AGBL1: variants seen among roughly 807,000 people sequenced by gnomAD.
AGBL1 encodes the protein AGBL carboxypeptidase 1.
AGBL1 carries 130 observed loss-of-function variants against 118.9 expected under a neutral mutation model. That is an observed-to-expected ratio of 1.09 (90% confidence interval 0.95 to 1.26). The LOEUF (loss-of-function observed/expected upper bound fraction) is 1.26, where lower values mean the gene tolerates loss of function less well. AGBL1 is among the 50% of genes most tolerant of loss of function. AGBL1 has a pLI of 0.00. For missense variants in AGBL1, 1,584 were observed against 1,298.1 expected, an observed-to-expected ratio of 1.22 and a Z score of -3.38; for synonymous variants, 555 against 478.9, an observed-to-expected ratio of 1.16 and a Z score of -2.08.
At chr15:86,113,052 G>C (rs1474297652) in intron 1 of AGBL1, among the ~76,000 whole-genome samples, 2 of 152,068 alleles carry the variant, frequency 1.3e-5, no homozygotes, top group East Asian at 3.9e-4. Flanking sequence ...GATCTAAAAG[G>C]AGGAATGGTT....
At chr15:86,651,724 C>A (rs946684709) in intron 21 of AGBL1, among the ~76,000 whole-genome samples, 1 of 152,188 alleles carries the variant, frequency 6.6e-6, no homozygotes, top group Non-Finnish European at 1.5e-5. Context: ...TAAGTTCCAA[C>A]TACTGATCTC....
rs1567109336 is a variant in AGBL1, at chr15:86,662,153, G to GCAAAA, written c.2995-12120_2995-12119insCAAAA. On this transcript the variant is annotated intron_variant, in intron 21 of 22. Coordinates refer to ENST00000614907, the MANE Select transcript of AGBL1 (RefSeq NM_001386094.1). The stretch of plus-strand genomic sequence containing the variant: ...AAAAAGAGAAGCAAAACTAAGCAAA[G>GCAAAA]ATGAGTGGCATTTATATATCCATGT... Among the ~76,000 whole-genome samples, 8 of 152,240 alleles carry GCAAAA rather than the reference G, an allele frequency of 5.3e-5. No individual in the cohort carries two copies. The East Asian group carries it at 1.5e-3, about 29-fold the overall frequency.
intron 22 of AGBL1, among the ~76,000 whole-genome samples, chr15:86,775,723 T>G (rs2078246320): frequency 6.6e-6 from 1 of 152,184 alleles, no homozygotes; most frequent in South Asian, 2.1e-4. Context: ...CCAGAAGATT[T>G]TTTCCAAGCT....
chr15:86,598,236 G>A (rs2084439459), intron 21 of AGBL1, among the ~76,000 whole-genome samples: 1 of 152,014 alleles, frequency 6.6e-6, no homozygotes. Context: ...TATAATAAGG[G>A]AGCAGCTGTG....
intron 18 of AGBL1, among the ~76,000 whole-genome samples, chr15:86,421,362 A>C (rs985344486): frequency 3.9e-5 from 6 of 152,374 alleles, no homozygotes; most frequent in East Asian, 3.9e-4. Flanking sequence ...ACTAAGATTC[A>C]TAAGTGAAGG....
In AGBL1 at chr15:86,708,737, G is replaced by A. The variant is rs1305554105; in HGVS notation, c.3158+34301G>A. Among the ~76,000 whole-genome samples the A allele has an allele frequency of 2.0e-5, 3 of 152,144 alleles. No individual in the cohort carries two copies. In the South Asian group the frequency reaches 6.2e-4, roughly 32 times the overall value. On this transcript the variant is annotated intron_variant, in intron 22 of 22. Transcript: ENST00000614907. ...TAAAGATGTAGGAACTACAATTTGAGCCTTGCTCTATTTTATAAGTGTGTT... is the reference window on the plus strand; with the variant it reads ...TAAAGATGTAGGAACTACAATTTGAACCTTGCTCTATTTTATAAGTGTGTT...
intron 21 of AGBL1, among the ~76,000 whole-genome samples, chr15:86,561,394 G>A (rs1298127709): frequency 6.6e-6 from 1 of 152,170 alleles, no homozygotes. Context: ...AGTTTTCCCA[G>A]CACCATTTAT....
chr15:86,798,742 T>A (rs1174440305), intron 22 of AGBL1, among the ~76,000 whole-genome samples: 1 of 149,166 alleles, frequency 6.7e-6, no homozygotes, highest in Admixed American at 6.8e-5. Context: ...GGCAACTAGA[T>A]CTGCTAGGTT....
intron 17 of AGBL1, among the ~76,000 whole-genome samples, chr15:86,302,152 C>G (rs2079756960): frequency 6.6e-6 from 1 of 151,958 alleles, no homozygotes; most frequent in Non-Finnish European, 1.5e-5. Context: ...AGTCAGGAAT[C>G]CTTCCTCCTT....
intron 5 of AGBL1, among the ~76,000 whole-genome samples, chr15:86,193,634 C>A (rs1025952841): frequency 1.1e-4 from 17 of 152,202 alleles, no homozygotes; most frequent in African/African-American, 4.1e-4. Flanking sequence ...CTCTGGAAAG[C>A]CTTGAGGAGA....
chr15:86,587,993 T>C (rs902442574), intron 21 of AGBL1, among the ~76,000 whole-genome samples: 2 of 152,202 alleles, frequency 1.3e-5, no homozygotes, highest in African/African-American at 2.4e-5. Context: ...TGTATATGTA[T>C]GCATGTACAT....
At chr15:86,632,218 T>C (rs868789068) in intron 21 of AGBL1, among the ~76,000 whole-genome samples, 1 of 147,488 alleles carries the variant, frequency 6.8e-6, no homozygotes, top group African/African-American at 2.5e-5. Context: ...CAGTGAGTTA[T>C]GATCATGCCA....
chr15:86,649,762 C>CT (rs1223921649), intron 21 of AGBL1, among the ~76,000 whole-genome samples: 2,977 of 133,960 alleles, frequency 0.022, 110 homozygotes, highest in African/African-American at 0.073. Flanking sequence ...ATTCAACATT[C>CT]TTTTTTTTTT....
intron 18 of AGBL1, among the ~76,000 whole-genome samples, chr15:86,453,062 G>A (rs1476815014): frequency 6.6e-6 from 1 of 152,122 alleles, no homozygotes; most frequent in Non-Finnish European, 1.5e-5. Context: ...ATGTTCAGTG[G>A]TGTGTTTATT....
At chr15:86,733,016 A>C (rs1014627781) in intron 22 of AGBL1, among the ~76,000 whole-genome samples, 17 of 148,714 alleles carry the variant, frequency 1.1e-4, no homozygotes, top group African/African-American at 3.9e-4. Context: ...TAATATCTCT[A>C]TATATTAATA....
intron 16 of AGBL1, among the ~76,000 whole-genome samples, chr15:86,294,090 G>A (rs984560299): frequency 9.2e-5 from 14 of 151,894 alleles, no homozygotes; most frequent in Non-Finnish European, 5.9e-5. Context: ...AAATTTCTTC[G>A]GAATTCTTAA....
chr15:86,638,352 A>G (rs1188782996), intron 21 of AGBL1, among the ~76,000 whole-genome samples: 2 of 152,176 alleles, frequency 1.3e-5, no homozygotes, highest in Non-Finnish European at 2.9e-5. Context: ...GCTCTTTGTA[A>G]TGATCTTCCA....
intron 22 of AGBL1, among the ~76,000 whole-genome samples, chr15:86,760,010 G>C (rs761529856): frequency 6.6e-6 from 1 of 152,040 alleles, no homozygotes; most frequent in Non-Finnish European, 1.5e-5. Flanking sequence ...AGGAACTGTA[G>C]GAACCTTCCC....
At chr15:86,217,328 A>G (rs1308770169) in intron 5 of AGBL1, among the ~76,000 whole-genome samples, 1 of 152,236 alleles carries the variant, frequency 6.6e-6, no homozygotes, top group African/African-American at 2.4e-5. Context: ...CTCTTAGACC[A>G]GTGCCTAGCT....
Sources: gnomAD v4.1 joint callset for allele counts (sites outside exome capture counted in the v4.1 genomes callset) on GRCh38, gnomAD v4.1.1 for gene constraint, MANE v1.5 for transcripts, NCBI Gene and HGNC (gene_info 2026-07-23, HGNC 2026-07-21) for gene names.